Variants in AKAP19 observed in about 807,000 individuals in gnomAD.
AKAP19 encodes the protein small A-kinase anchoring protein.
the AKAP19 span, among the ~76,000 whole-genome samples, chr2:189,880,721 G>A: frequency 6.6e-6 from 1 of 152,158 alleles, no homozygotes; most frequent in African/African-American, 2.4e-5. Flanking sequence ...ATAGTGAATT[G>A]GGTCCCAAGT....
chr2:190,070,620 C>CG, the AKAP19 span, among the ~76,000 whole-genome samples: 2 of 139,624 alleles, frequency 1.4e-5, no homozygotes, highest in African/African-American at 5.3e-5. Flanking sequence ...TCTCTCCCCC[C>CG]CCCCTTTTTT....
the AKAP19 span, among the ~76,000 whole-genome samples, chr2:190,167,565 G>A: frequency 7.9e-5 from 12 of 152,254 alleles, no homozygotes; most frequent in Admixed American, 1.3e-4. Context: ...GCCTATGAGC[G>A]TGTAAAATCA....
the AKAP19 span, among the ~76,000 whole-genome samples, chr2:189,956,089 C>A: frequency 6.6e-6 from 1 of 151,016 alleles, no homozygotes; most frequent in Non-Finnish European, 1.5e-5. Context: ...TAAAGATTAT[C>A]AAAAAATATT....
At chr2:190,185,809 A>G in the AKAP19 span, among the ~76,000 whole-genome samples, 1 of 152,240 alleles carries the variant, frequency 6.6e-6, no homozygotes, top group Non-Finnish European at 1.5e-5. Context: ...TCTTTCCTCA[A>G]TTATAATCTG....
the AKAP19 span, among the ~76,000 whole-genome samples, chr2:190,177,129 T>C: frequency 6.6e-6 from 1 of 152,218 alleles, no homozygotes; most frequent in African/African-American, 2.4e-5. The surrounding 1 kb of genome is among the most constrained non-coding windows in gnomAD (Gnocchi z 4.6). Flanking sequence ...ATGGTATTTT[T>C]TTTCTGTCTC....
chr2:189,880,243 A>C, the AKAP19 span, among the ~76,000 whole-genome samples: 8 of 152,122 alleles, frequency 5.3e-5, no homozygotes, highest in African/African-American at 1.4e-4. Context: ...AGCTTCCTCC[A>C]GCATTTTTTG....
the AKAP19 span, among the ~76,000 whole-genome samples, chr2:190,096,960 C>G: frequency 6.6e-6 from 1 of 152,178 alleles, no homozygotes; most frequent in South Asian, 2.1e-4. Context: ...AAGGCCCCAC[C>G]TCTTGATACT....
chr2:190,105,264 A>T, the AKAP19 span, among the ~76,000 whole-genome samples: 368 of 152,326 alleles, frequency 2.4e-3, 2 homozygotes, highest in African/African-American at 8.3e-3. Flanking sequence ...ATATAGAAAA[A>T]TGTGATATAT....
At chr2:189,958,537 A>ATATATT in the AKAP19 span, among the ~76,000 whole-genome samples, 1 of 148,874 alleles carries the variant, frequency 6.7e-6, no homozygotes, top group African/African-American at 2.4e-5. Context: ...ATATATATAT[A>ATATATT]TATATAACAT....
At chr2:190,155,349 A>G in the AKAP19 span, among the ~76,000 whole-genome samples, 1 of 152,206 alleles carries the variant, frequency 6.6e-6, no homozygotes, top group African/African-American at 2.4e-5. Flanking sequence ...TCTGGCCAAG[A>G]TATCATTAAA....
At chr2:190,131,049 G>A in the AKAP19 span, among the ~76,000 whole-genome samples, 1 of 152,178 alleles carries the variant, frequency 6.6e-6, no homozygotes, top group Non-Finnish European at 1.5e-5. Context: ...CCCATTCCTT[G>A]TAACAGGGCT....
the AKAP19 span, among the ~76,000 whole-genome samples, chr2:189,943,929 T>C: frequency 1.3e-5 from 2 of 152,250 alleles, no homozygotes; most frequent in Admixed American, 6.5e-5. Flanking sequence ...ATACCTCCGA[T>C]TGTATCTTGA....
the AKAP19 span, among the ~76,000 whole-genome samples, chr2:190,143,125 C>T: frequency 1.3e-5 from 2 of 151,850 alleles, no homozygotes; most frequent in African/African-American, 2.4e-5. Flanking sequence ...AAATCCAGTG[C>T]CATTTTGGGT....
the AKAP19 span, among the ~76,000 whole-genome samples, chr2:189,880,559 T>C: frequency 6.6e-6 from 1 of 152,192 alleles, no homozygotes; most frequent in South Asian, 2.1e-4. Context: ...GGTAAAGGAA[T>C]AGTCAGTGTA....
chr2:190,174,598 T>C, the AKAP19 span, among the ~76,000 whole-genome samples: 1 of 152,192 alleles, frequency 6.6e-6, no homozygotes, highest in South Asian at 2.1e-4. Flanking sequence ...AGATTGTTTT[T>C]AACACCCAAG....
At chr2:190,003,442 A>G in the AKAP19 span, among the ~76,000 whole-genome samples, 1 of 152,180 alleles carries the variant, frequency 6.6e-6, no homozygotes. Context: ...CTTTTCATAG[A>G]TTGAATTCAT....
the AKAP19 span, among the ~76,000 whole-genome samples, chr2:189,885,208 T>G: frequency 6.6e-6 from 1 of 152,188 alleles, no homozygotes; most frequent in Non-Finnish European, 1.5e-5. Flanking sequence ...CCCATTAGAT[T>G]ATAACAGACG....
the AKAP19 span, among the ~76,000 whole-genome samples, chr2:190,121,331 A>G: frequency 2.6e-5 from 4 of 152,016 alleles, no homozygotes; most frequent in African/African-American, 7.2e-5. Flanking sequence ...CAGGCTGGTC[A>G]TAAACACCTG....
At chr2:190,128,538 A>C in the AKAP19 span, among the ~76,000 whole-genome samples, 2 of 152,234 alleles carry the variant, frequency 1.3e-5, no homozygotes, top group South Asian at 4.1e-4. Context: ...GCCAAAGATT[A>C]GTCATATGCC....
Sources: allele counts gnomAD v4.1 joint callset (sites outside exome capture counted in the v4.1 genomes callset), GRCh38; gene constraint gnomAD v4.1.1; non-coding constraint Gnocchi (gnomAD v3.1); transcripts MANE v1.5; gene names NCBI Gene and HGNC (gene_info 2026-07-23, HGNC 2026-07-21).